Variants in MRPS7 observed in about 807,000 individuals in gnomAD.
MRPS7 encodes the protein mitochondrial ribosomal protein S7.
A neutral mutation model predicts 26.2 loss-of-function variants in MRPS7; 13 were observed. The observed-to-expected ratio is 0.50, with a 90% CI of 0.32 to 0.79. The LOEUF is 0.79. MRPS7 is among the 30% of genes least tolerant of loss of function. MRPS7 has a pLI of 0.03. For missense variants in MRPS7, 318 were observed against 312.2 expected (o/e 1.02, Z -0.14); for synonymous variants, 129 against 113.3 (o/e 1.14, Z -0.88).
intron 4 of MRPS7, chr17:75,263,758 G>A: frequency 2.1e-6 from 1 of 468,796 alleles, no homozygotes; most frequent in Non-Finnish European, 3.9e-6. Context: ...GTGTGCATCT[G>A]TGCTCCCAAC....
intron 1 of MRPS7, 116 bp from the exon 2 acceptor site, chr17:75,262,369 AGGTTTAGCTCGC>A (rs776598787): frequency 8.2e-5 from 84 of 1,027,956 alleles, no homozygotes; most frequent in Non-Finnish European, 1.2e-4. Context: ...GTTGTGGCTC[AGGTTTAGCTCGC>A]GGTCTCCGCG....
rs145217256 is a variant in MRPS7, at chr17:75,263,409, A to G, written c.409A>G (p.Ile137Val). 219 of 1,614,014 alleles carry G rather than the reference A, an allele frequency of 1.4e-4. No homozygotes were observed. Among genetic ancestry groups the G allele is most frequent in the Non-Finnish European group, 1.8e-4 (214 of 1,180,046 alleles). Residue 137 changes from isoleucine to valine, a missense_variant, in exon 4 of 5, where the codon ATC (isoleucine) becomes GTC (valine). Coordinates refer to ENST00000245539, the MANE Select transcript of MRPS7 (RefSeq NM_015971.4). Reference protein sequence around the residue: ...HAASAEEQATIERNPYTIFHQ... With the variant: ...HAASAEEQATVERNPYTIFHQ... The stretch of plus-strand genomic sequence containing the variant: ...CGCTTCTGCAGAGGAACAGGCAACC[A>G]TCGAACGCAACCCCTACACCATCTT...
At chr17:75,262,924 T>C in intron 3 of MRPS7, 57 bp downstream of exon 3, 1 of 1,528,738 alleles carries the variant, frequency 6.5e-7, no homozygotes, top group Non-Finnish European at 9.0e-7. Flanking sequence ...CGTAGCCTTG[T>C]ACTTGGTACT....
intron 4 of MRPS7, chr17:75,263,715 CAAA>C: frequency 3.4e-6 from 2 of 592,646 alleles, no homozygotes; most frequent in Non-Finnish European, 2.9e-6. Context: ...CCCGTCTCTA[CAAA>C]AAAAACAAAA....
chr17:75,262,907 C>A (rs780691059), intron 3 of MRPS7, 40 bp downstream of exon 3: 4 of 1,593,306 alleles, frequency 2.5e-6, no homozygotes, highest in African/African-American at 1.3e-5. Flanking sequence ...TTCTTGCCCC[C>A]CTACCCCGTA....
At position 75,265,791 on chromosome 17, in the gene MRPS7, A is replaced by G. The variant is rs367675342; in HGVS notation, c.597A>G (p.Thr199=). ...TECRDKKHQR[T]LMPEKLSHKL... ...GCCGGGATAAAAAGCACCAGCGGAC[A>G]CTGATGCCGGAGAAGCTGTCACACA... Residue 199 remains threonine (T), a synonymous_variant, in exon 5 of 5, where the codon ACA becomes ACG. Coordinates refer to ENST00000245539, the MANE Select transcript of MRPS7 (RefSeq NM_015971.4). 7 of 1,614,206 alleles carry G rather than the reference A, an allele frequency of 4.3e-6. No homozygotes were observed. Among genetic ancestry groups the G allele is most frequent in the Non-Finnish European group, 5.9e-6 (7 of 1,180,044 alleles).
intron 3 of MRPS7, chr17:75,263,139 T>C (rs2145635090): frequency 2.0e-6 from 1 of 491,432 alleles, no homozygotes; most frequent in Non-Finnish European, 3.6e-6. Context: ...ACCCCCTCCA[T>C]GCCACAAATC....
chr17:75,261,955 G>A lies in MRPS7; in HGVS notation c.55G>A (p.Val19Met). The A allele has an allele frequency of 6.2e-7, 1 of 1,607,976 alleles. No individual in the cohort carries two copies. The highest frequency in any genetic ancestry group is 1.3e-5 in the African/African-American group (1 of 75,050). Reference sequence around the variant, plus strand: ...AGGATGGTCGGGCCTGGCGTTGGGCGTGCGGCGGGCTGTCTTGCAGCTTCC... The same window carrying A: ...AGGATGGTCGGGCCTGGCGTTGGGCATGCGGCGGGCTGTCTTGCAGCTTCC... ...ARGWSGLALG[V>M]RRAVLQLPGL... The change falls in exon 1 of 5, where the codon GTG becomes ATG. Residue 19 changes from valine to methionine, a missense_variant. Transcript: ENST00000245539.
At chr17:75,265,509 G>T (rs753268328) in intron 4 of MRPS7, among the ~76,000 whole-genome samples, 193 bp from the exon 5 acceptor site, 1 of 152,134 alleles carries the variant, frequency 6.6e-6, no homozygotes, top group African/African-American at 2.4e-5. Flanking sequence ...CTGAATGAAC[G>T]CCTCTTATGT....
rs1598150987 is a variant in MRPS7, at chr17:75,266,329, C to G, written c.*406C>G. On this transcript the variant is annotated 3_prime_UTR_variant, in exon 5 of 5. Coordinates refer to ENST00000245539, the MANE Select transcript of MRPS7 (RefSeq NM_015971.4). ...CTGGCTGGAGGAAATAGGCTTGTTTCCAGAGTTGTCCTTATACAAAATGTA... is the reference window on the plus strand; with the variant it reads ...CTGGCTGGAGGAAATAGGCTTGTTTGCAGAGTTGTCCTTATACAAAATGTA... The G allele has an allele frequency of 2.8e-6, 1 of 352,594 alleles. No individual in the cohort carries two copies. Among genetic ancestry groups the G allele is most frequent in the African/African-American group, 2.1e-5 (1 of 48,092 alleles). 21.8% of individuals were successfully genotyped at this position (352,594 alleles called of 1,614,324 possible). A position where few individuals can be genotyped will look rare whatever the true frequency, so the allele number is the denominator to read the frequency against.
intron 3 of MRPS7, 82 bp from the exon 4 acceptor site, chr17:75,263,258 G>C: frequency 2.6e-6 from 4 of 1,542,340 alleles, no homozygotes; most frequent in Non-Finnish European, 3.5e-6. Flanking sequence ...CAGAGGATGG[G>C]AGTAAAGGGC....
chr17:75,263,497 G>C lies in MRPS7; in HGVS notation c.497G>C (p.Arg166Pro). 4 of 1,613,952 alleles carry C rather than the reference G, an allele frequency of 2.5e-6. No homozygotes were observed. The highest frequency in any genetic ancestry group is 3.4e-6 in the Non-Finnish European group (4 of 1,180,012). The change falls in exon 4 of 5, where the codon CGT becomes CCT. Residue 166 changes from arginine (R) to proline (P), a missense_variant. Coordinates refer to ENST00000245539, the MANE Select transcript of MRPS7 (RefSeq NM_015971.4). ...IGLVPILKGG[R>P]FYQVPVPLPD... is the part of the protein sequence containing the mutation. The stretch of plus-strand genomic sequence containing the variant: ...CTGGTACCCATCCTCAAGGGAGGCC[G>C]TTTCTACCAGGTGAATGAATGGCCA...
Position 75,265,752 on chromosome 17 carries a change from G to A in MRPS7, c.558G>A (p.Trp186Ter), listed in dbSNP as rs769216446. ...GTCGCCGCTTCCTAGCCATGAAGTG[G>A]ATGATCACTGAGTGCCGGGATAAAA... ...DRRRRFLAMK[W>*]MITECRDKKH... Residue 186 changes from tryptophan (W) to a stop codon, truncating the protein, a stop_gained, in exon 5 of 5, where the codon TGG becomes TGA. Coordinates refer to ENST00000245539, the MANE Select transcript of MRPS7 (RefSeq NM_015971.4). LOFTEE classifies it high-confidence loss of function. 1.2e-6 allele frequency: 2 copies of A among 1,614,182 alleles called. No homozygotes were observed. The highest frequency in any genetic ancestry group is 1.7e-6 in the Non-Finnish European group (2 of 1,180,048).
At chr17:75,264,536 A>G (rs2077456522) in intron 4 of MRPS7, 1 of 152,220 alleles carries the variant, frequency 6.6e-6, no homozygotes, top group African/African-American at 2.4e-5. Flanking sequence ...TCCATGGGGT[A>G]GGGACTTCAT....
Position 75,261,983 on chromosome 17 carries a change from G to A in MRPS7, c.83G>A (p.Gly28Glu). ...GVRRAVLQLP[G>E]LTQVRWSRYS... Reference sequence around the variant, plus strand: ...CGGCGGGCTGTCTTGCAGCTTCCAGGGTGAGAGGGTGGCGAGCAGCGGCGG... The same window carrying A: ...CGGCGGGCTGTCTTGCAGCTTCCAGAGTGAGAGGGTGGCGAGCAGCGGCGG... The change falls in exon 1 of 5, where the codon GGG becomes GAG. Residue 28 changes from glycine to glutamate, a missense_variant and splice_region_variant. Coordinates refer to ENST00000245539, the MANE Select transcript of MRPS7 (RefSeq NM_015971.4). The A allele has an allele frequency of 6.4e-7, 1 of 1,566,252 alleles. No homozygotes were observed. The highest frequency in any genetic ancestry group is 8.6e-7 in the Non-Finnish European group (1 of 1,166,648).
chr17:75,261,885 C>T lies in MRPS7; in HGVS notation c.-16C>T. The stretch of plus-strand genomic sequence containing the variant: ...CGCCGAGGGCAGTCCTTGTGGGGTC[C>T]TCGTGGCCAGCCAAGATGGCTGCCC... On this transcript the variant is annotated 5_prime_UTR_variant, in exon 1 of 5. Coordinates refer to ENST00000245539, the MANE Select transcript of MRPS7 (RefSeq NM_015971.4). 1 of 1,606,794 alleles carries T rather than the reference C, an allele frequency of 6.2e-7. No individual in the cohort carries two copies. The highest frequency in any genetic ancestry group is 8.5e-7 in the Non-Finnish European group (1 of 1,179,212).
At chr17:75,262,446 C>T (rs758510065) in intron 1 of MRPS7, 51 bp from the exon 2 acceptor site, 3 of 1,585,386 alleles carry the variant, frequency 1.9e-6, no homozygotes, top group Non-Finnish European at 2.6e-6. Context: ...GTCAAACCTA[C>T]TCGCTTGTGG....
chr17:75,265,268 C>T (rs932209534), intron 4 of MRPS7, among the ~76,000 whole-genome samples: 10 of 151,986 alleles, frequency 6.6e-5, no homozygotes, highest in Non-Finnish European at 1.5e-4. Flanking sequence ...GAAATCCTGA[C>T]CTCAGGTAAT....
At chr17:75,263,147 A>G (rs2077435299) in intron 3 of MRPS7, 193 bp from the exon 4 acceptor site, 2 of 682,816 alleles carry the variant, frequency 2.9e-6, no homozygotes, top group Non-Finnish European at 4.8e-6. Context: ...CATGCCACAA[A>G]TCTCAATCCA....
Sources: allele counts gnomAD v4.1 joint callset (sites outside exome capture counted in the v4.1 genomes callset), GRCh38; gene constraint gnomAD v4.1.1; transcripts MANE v1.5; gene names NCBI Gene and HGNC (gene_info 2026-07-23, HGNC 2026-07-21).